Variants in FAM149A observed in about 807,000 individuals in gnomAD.
FAM149A encodes family with sequence similarity 149 member A, also known as protein FAM149A.
Under a neutral mutation model 78.2 loss-of-function variants are expected in FAM149A, and 71 were observed. That is an observed-to-expected ratio of 0.91 (90% confidence interval 0.75 to 1.11). FAM149A has a LOEUF of 1.11. FAM149A is among the 50% of genes least tolerant of loss of function. FAM149A has a pLI of 0.00. For synonymous variants in FAM149A, 446 were observed against 410.5 expected (o/e 1.09, Z -1.04); for missense variants, 1,036 against 971.0 (o/e 1.07, Z -0.89).
In FAM149A at chr4:186,162,851, C is replaced by G. The variant is rs776770051; in HGVS notation, c.1582C>G (p.His528Asp). Reference sequence around the variant, plus strand: ...TTTTTTTTACTGTTCTCAGATTCATCACTTCTCCAGCAGTTTTTATAGTGA... The same window carrying G: ...TTTTTTTTACTGTTCTCAGATTCATGACTTCTCCAGCAGTTTTTATAGTGA... Residue 528 changes from histidine to aspartate, a missense_variant, in exon 9 of 14, where the codon CAC becomes GAC. This residue lies in a region of FAM149A where 716 missense variants were observed against 711.8 expected (regional missense o/e 1.01). Coordinates refer to ENST00000389354, the MANE Select transcript of FAM149A (RefSeq NM_001367768.3). 1.3e-6 allele frequency: 1 copy of G among 792,088 alleles called. No individual in the cohort carries two copies. The highest frequency in any genetic ancestry group is 2.1e-5 in the African/African-American group (1 of 48,388). The allele number at this position is 792,088 out of a possible 1,614,324, so 49.1% of individuals were successfully genotyped here.
In FAM149A at chr4:186,164,346, A is replaced by G. The variant is rs934300860; in HGVS notation, c.1889+713A>G. The G allele has an allele frequency of 5.8e-5, 22 of 379,812 alleles. No individual in the cohort carries two copies. Among genetic ancestry groups the G allele is most frequent in the African/African-American group, 4.6e-4 (21 of 45,578 alleles). 23.5% of individuals were successfully genotyped at this position (379,812 alleles called of 1,614,324 possible). ...CCTGCCGGAGATCATCCCCGCCAGGAAGAGGCCCAGCCGGACACACCCACA... is the reference window on the plus strand; with the variant it reads ...CCTGCCGGAGATCATCCCCGCCAGGGAGAGGCCCAGCCGGACACACCCACA... On this transcript the variant is annotated intron_variant, in intron 10 of 13. Coordinates refer to ENST00000389354, the MANE Select transcript of FAM149A (RefSeq NM_001367768.3). The surrounding 1 kb of genome is among the most constrained non-coding windows in gnomAD (Gnocchi z 4.0).
chr4:186,136,976 T>TCTCTCTCTCTCTCTCTCTTTC (rs2099323291), intron 1 of FAM149A, among the ~76,000 whole-genome samples: 18 of 72,118 alleles, frequency 2.5e-4, no homozygotes, highest in African/African-American at 1.1e-3. Flanking sequence ...CTCTCTCTCT[T>TCTCTCTCTCTCTCTCTCTTTC]TCTCTCTCTC....
In FAM149A at chr4:186,113,154, A is replaced by G. The variant is rs1175562526; in HGVS notation, c.566+7512A>G. 7.1e-5 allele frequency among the ~76,000 whole-genome samples: 3 copies of G among 42,048 alleles called. No individual in the cohort carries two copies. In the East Asian group the frequency reaches 2.9e-3, roughly 41 times the overall value. 27.6% of individuals were successfully genotyped at this position (42,048 alleles called of 152,430 possible). A position where few individuals can be genotyped will look rare whatever the true frequency, so the allele number is the denominator to read the frequency against. ...AGTGTATGTGTCGAGGAATTTATCC[A>G]TTTCTTCTAGATTTTCTAGTTTATT... On this transcript the variant is annotated intron_variant, in intron 1 of 13. Coordinates refer to ENST00000389354, the MANE Select transcript of FAM149A (RefSeq NM_001367768.3).
chr4:186,136,946 CTCTCTCTCTCTCTCTCTT>C (rs879655284), intron 1 of FAM149A, among the ~76,000 whole-genome samples: 2,388 of 127,826 alleles, frequency 0.019, 62 homozygotes, highest in African/African-American at 0.04. Flanking sequence ...ATCTCTCTCT[CTCTCTCTCTCTCTCTCTT>C]TCTCTCTCTC....
At chr4:186,154,836 G>A in intron 6 of FAM149A, 198 bp downstream of exon 6, 1 of 985,370 alleles carries the variant, frequency 1.0e-6, no homozygotes, top group Non-Finnish European at 1.2e-6. Flanking sequence ...CGAAGAGGGT[G>A]TTCAGTGCCC....
chr4:186,151,799 C>T (rs1002260910), intron 3 of FAM149A, 104 bp from the exon 4 acceptor site: 72 of 1,491,132 alleles, frequency 4.8e-5, no homozygotes, highest in Non-Finnish European at 6.1e-5. Context: ...AAGTGATGCA[C>T]CCTCCTACAT....
chr4:186,120,618 C>G (rs1480530360), intron 1 of FAM149A, among the ~76,000 whole-genome samples: 6 of 151,168 alleles, frequency 4.0e-5, no homozygotes, highest in Non-Finnish European at 7.4e-5. Context: ...ATGGTGAAAC[C>G]CTGTCTCTAC....
At chr4:186,123,989 A>G in intron 1 of FAM149A, 5 of 985,410 alleles carry the variant, frequency 5.1e-6, no homozygotes, top group Non-Finnish European at 6.0e-6. Flanking sequence ...AAAATTTTCT[A>G]ATGTGTGAAA....
chr4:186,121,013 A>G (rs1190133090), intron 1 of FAM149A, among the ~76,000 whole-genome samples: 1 of 151,540 alleles, frequency 6.6e-6, no homozygotes, highest in Non-Finnish European at 1.5e-5. Flanking sequence ...AGAGACCATA[A>G]TAATCCATTT....
intron 1 of FAM149A, among the ~76,000 whole-genome samples, chr4:186,113,679 T>G (rs1290303919): frequency 6.7e-6 from 1 of 150,118 alleles, no homozygotes. Context: ...AGCAGGTTGT[T>G]CAGTTTCCAT....
chr4:186,152,132 G>A (rs896616680), intron 4 of FAM149A, 87 bp downstream of exon 4: 7 of 1,326,698 alleles, frequency 5.3e-6, no homozygotes, highest in Non-Finnish European at 7.5e-6. Context: ...TACATTTGGT[G>A]TGAAAGTGCC....
intron 1 of FAM149A, among the ~76,000 whole-genome samples, chr4:186,147,424 A>G (rs1733142525): frequency 1.3e-5 from 2 of 152,212 alleles, no homozygotes; most frequent in Non-Finnish European, 2.9e-5. Context: ...AGCAGTGAGC[A>G]GGTAAACCCG....
At chr4:186,146,781 G>C in intron 1 of FAM149A, 1 of 984,412 alleles carries the variant, frequency 1.0e-6, no homozygotes, top group Non-Finnish European at 1.2e-6. Context: ...TCTTGAATCT[G>C]GGGAATATTT....
chr4:186,159,527 G>A (rs575347357), intron 8 of FAM149A, among the ~76,000 whole-genome samples: 1 of 152,190 alleles, frequency 6.6e-6, no homozygotes, highest in South Asian at 2.1e-4. Flanking sequence ...ATTAGGAATC[G>A]AGAGGCCTGA....
chr4:186,159,193 T>C (rs933848459), intron 8 of FAM149A, among the ~76,000 whole-genome samples: 4 of 151,720 alleles, frequency 2.6e-5, no homozygotes, highest in African/African-American at 9.7e-5. Context: ...TGAATCCTAG[T>C]GATACAAAAG....
chr4:186,110,050 C>A, intron 1 of FAM149A: 1 of 985,388 alleles, frequency 1.0e-6, no homozygotes, highest in Non-Finnish European at 1.2e-6. Flanking sequence ...TCCACTGAAA[C>A]CCTGTGATTT....
At chr4:186,118,218 C>T (rs2099314526) in intron 1 of FAM149A, 1 of 985,292 alleles carries the variant, frequency 1.0e-6, no homozygotes, top group Admixed American at 6.2e-5. Flanking sequence ...GATGGGAGTG[C>T]TCTTTACTGT....
rs1302430592 is a variant in FAM149A, at chr4:186,149,606, C to T, written c.691C>T (p.Pro231Ser). ...CTTTTCCTCCAGCGGAAGCCATACA[C>T]CCACGGGAGCCCACACCTCTTGGTC... The change falls in exon 3 of 14, where the codon CCC (proline) becomes TCC (serine). Residue 231 changes from proline (P) to serine (S), a missense_variant. Transcript: ENST00000389354. 6 of 1,289,950 alleles carry T rather than the reference C, an allele frequency of 4.7e-6. No homozygotes were observed. The highest frequency in any genetic ancestry group is 4.0e-6 in the Non-Finnish European group (4 of 988,896). 79.9% of individuals were successfully genotyped at this position (1,289,950 alleles called of 1,614,324 possible).
In FAM149A at chr4:186,156,053, A is replaced by G. The variant is rs764111506; in HGVS notation, c.1283A>G (p.Lys428Arg). The G allele has an allele frequency of 1.9e-6, 3 of 1,613,832 alleles. No homozygotes were observed. Among genetic ancestry groups the G allele is most frequent in the African/African-American group, 1.3e-5 (1 of 74,918 alleles). Reference sequence around the variant, plus strand: ...GCTCAGCCCGGTAGGAAATGGCGCAAACTCGGACTTCCTCCTGTTTCCCCG... The same window carrying G: ...GCTCAGCCCGGTAGGAAATGGCGCAGACTCGGACTTCCTCCTGTTTCCCCG... The change falls in exon 7 of 14, where the codon AAA becomes AGA. Residue 428 changes from lysine to arginine, a missense_variant. Coordinates refer to ENST00000389354, the MANE Select transcript of FAM149A (RefSeq NM_001367768.3).
Sources: allele counts gnomAD v4.1 joint callset (sites outside exome capture counted in the v4.1 genomes callset), GRCh38; gene constraint gnomAD v4.1.1; regional missense constraint gnomAD v4.1.1; non-coding constraint Gnocchi (gnomAD v3.1); transcripts MANE v1.5; gene names NCBI Gene and HGNC (gene_info 2026-07-23, HGNC 2026-07-21).